DSG3: variants seen among roughly 807,000 people sequenced by gnomAD.
The protein encoded by DSG3 is desmoglein 3.
DSG3 carries 63 observed loss-of-function variants against 85.9 expected under a neutral mutation model. The ratio of observed to expected loss-of-function variants is 0.73; its 90% confidence interval spans 0.60 to 0.90. The LOEUF (loss-of-function observed/expected upper bound fraction) is 0.90, where lower values mean the gene tolerates loss of function less well. Among genes scored for constraint, DSG3 ranks in the 40% least tolerant of loss-of-function variants. The pLI, the probability that DSG3 is intolerant of heterozygous loss-of-function variation, is 0.00. For synonymous variants in DSG3, 447 were observed against 441.9 expected, an observed-to-expected ratio of 1.01 and a Z score of -0.14; for missense variants, 1,220 against 1,219.9, an observed-to-expected ratio of 1.00 and a Z score of 0.00.
At position 31,466,558 on chromosome 18, in the gene DSG3, G is replaced by A. The variant is rs199540300; in HGVS notation, c.1440G>A (p.Thr480=). The A allele has an allele frequency of 1.7e-5, 28 of 1,614,090 alleles. No individual in the cohort carries two copies. Among genetic ancestry groups the A allele is most frequent in the East Asian group, 4.5e-5 (2 of 44,882 alleles). ...ACACGGGTAAAACTTCTACAGGCAC[G>A]GTATATGTTAGAGTACCCGATTTCA... The part of the protein sequence containing the change: ...DEYTGKTSTG[T]VYVRVPDFND... The change falls in exon 11 of 16, where the codon ACG becomes ACA. Residue 480 remains threonine, a synonymous_variant. Transcript: ENST00000257189.
At position 31,472,766 on chromosome 18, in the gene DSG3, A is replaced by T; in HGVS notation, c.2079A>T (p.Gly693=). Residue 693 remains glycine (G), a synonymous_variant, in exon 14 of 16, where the codon GGA becomes GGT. Transcript: ENST00000257189. ...GTGTGCCTCCTGTAACAGCCAATGG[A>T]GCCGATTTCATGGAAAGTTCTGGTA... is the stretch of plus-strand genomic sequence containing the variant. ...NICVPPVTAN[G]ADFMESSEVC... is the part of the protein sequence containing the mutation. The T allele has an allele frequency of 6.2e-7, 1 of 1,614,134 alleles. No individual in the cohort carries two copies. Among genetic ancestry groups the T allele is most frequent in the Non-Finnish European group, 8.5e-7 (1 of 1,179,984 alleles).
Position 31,475,910 on chromosome 18 carries a change from T to G in DSG3, c.2650T>G (p.Cys884Gly), listed in dbSNP as rs375554890. ...SKDSGYGIES[C>G]GHPIEVQQTG... ...AGACAGCGGTTATGGGATTGAATCC[T>G]GTGGCCATCCCATAGAAGTCCAGCA... is the stretch of plus-strand genomic sequence containing the variant. The change falls in exon 16 of 16, where the codon TGT becomes GGT. Residue 884 changes from cysteine (C) to glycine (G), a missense_variant. Coordinates refer to ENST00000257189, the MANE Select transcript of DSG3 (RefSeq NM_001944.3). 3.1e-6 allele frequency: 5 copies of G among 1,614,082 alleles called. No individual in the cohort carries two copies. Among genetic ancestry groups the G allele is most frequent in the Non-Finnish European group, 3.4e-6 (4 of 1,180,040 alleles).
chr18:31,475,825 A>G lies in DSG3; in HGVS notation c.2565A>G (p.Lys855=). The stretch of plus-strand genomic sequence containing the variant: ...ACTCACTTGGACCCAAATTTAAAAA[A>G]CTTGCAGAGATAAGCCTTGGTGTTG... ...FLDSLGPKFK[K]LAEISLGVDG... is the part of the protein sequence containing the mutation. The change falls in exon 16 of 16, where the codon AAA becomes AAG. Residue 855 remains lysine (K), a synonymous_variant. Transcript: ENST00000257189. 1.2e-6 allele frequency: 2 copies of G among 1,614,200 alleles called. No individual in the cohort carries two copies. The highest frequency in any genetic ancestry group is 1.6e-4 in the Middle Eastern group (1 of 6,062).
At chr18:31,472,643 AT>A in intron 13 of DSG3, 81 bp from the exon 14 acceptor site, 1 of 1,445,128 alleles carries the variant, frequency 6.9e-7, no homozygotes, top group Non-Finnish European at 9.6e-7. Context: ...TCATTTACAA[AT>A]TTGCAAAGGG....
intron 1 of DSG3, among the ~76,000 whole-genome samples, chr18:31,450,378 A>T (rs1404051841): frequency 6.6e-6 from 1 of 152,210 alleles, no homozygotes; most frequent in East Asian, 1.9e-4. Context: ...CTGGACATGA[A>T]TTGGAAAGGC....
Position 31,476,166 on chromosome 18 carries a change from T to C in DSG3, c.2906T>C (p.Ile969Thr). ...GTGACAGAAAGGGTGATCTGTCCCA[T>C]TTCCAGTGTTCCTGGCAACCTAGCT... ...VIVTERVICP[I>T]SSVPGNLAGP... Residue 969 changes from isoleucine to threonine, a missense_variant, in exon 16 of 16, where the codon ATT becomes ACT. Transcript: ENST00000257189. The C allele has an allele frequency of 1.2e-6, 2 of 1,614,222 alleles. No homozygotes were observed. The highest frequency in any genetic ancestry group is 1.7e-6 in the Non-Finnish European group (2 of 1,180,046).
At chr18:31,451,604 A>G (rs1293642162) in intron 1 of DSG3, among the ~76,000 whole-genome samples, 2 of 152,196 alleles carry the variant, frequency 1.3e-5, no homozygotes, top group East Asian at 1.9e-4. Flanking sequence ...TCTTCTCCTG[A>G]TTGACCCAGT....
In DSG3 at chr18:31,472,398, T is replaced by C. The variant is rs746984599; in HGVS notation, c.2012T>C (p.Ile671Thr). The C allele has an allele frequency of 6.2e-7, 1 of 1,614,000 alleles. No individual in the cohort carries two copies. The highest frequency in any genetic ancestry group is 1.1e-5 in the South Asian group (1 of 91,008). ...GAAGGAACAATTCATCAGTGGGGAATTGAAGGAGCCCATCCTGAAGACAAG... is the reference window on the plus strand; with the variant it reads ...GAAGGAACAATTCATCAGTGGGGAACTGAAGGAGCCCATCCTGAAGACAAG... ...GSEGTIHQWG[I>T]EGAHPEDKEI... The change falls in exon 13 of 16, where the codon ATT becomes ACT. Residue 671 changes from isoleucine (I) to threonine (T), a missense_variant. By Grantham distance (89) the Ile-to-Thr change is moderately conservative. Transcript: ENST00000257189.
At chr18:31,466,278 G>A (rs1300937150) in intron 10 of DSG3, among the ~76,000 whole-genome samples, 1 of 152,052 alleles carries the variant, frequency 6.6e-6, no homozygotes, top group African/African-American at 2.4e-5. Context: ...TCATCTTACT[G>A]GTCTTGGGTT....
At chr18:31,467,640 A>C (rs1488153502) in intron 11 of DSG3, among the ~76,000 whole-genome samples, 1 of 152,230 alleles carries the variant, frequency 6.6e-6, no homozygotes, top group Non-Finnish European at 1.5e-5. Context: ...GTGTCATAGA[A>C]ATAGACATTA....
In DSG3 at chr18:31,455,209, C is replaced by A. The variant is rs139220344; in HGVS notation, c.49-1231C>A. Among the ~76,000 whole-genome samples the A allele has an allele frequency of 1.8e-3, 267 of 152,066 alleles. 2 individuals carry two copies. Among genetic ancestry groups the A allele is most frequent in the Middle Eastern group, 3.4e-3 (1 of 294 alleles). On this transcript the variant is annotated intron_variant, in intron 1 of 15. Coordinates refer to ENST00000257189, the MANE Select transcript of DSG3 (RefSeq NM_001944.3). Reference sequence around the variant, plus strand: ...CTTCAGGTGCCTGCTGTAAGTATTACATAAAACAGTAAGTATAAAGCTCTA... The same window carrying A: ...CTTCAGGTGCCTGCTGTAAGTATTAAATAAAACAGTAAGTATAAAGCTCTA...
At chr18:31,464,822 C>T (rs2072807451) in intron 9 of DSG3, among the ~76,000 whole-genome samples, 6 of 152,112 alleles carry the variant, frequency 3.9e-5, no homozygotes, top group Non-Finnish European at 8.8e-5. Flanking sequence ...TTTTATTGTG[C>T]ATAGCAGATA....
intron 9 of DSG3, among the ~76,000 whole-genome samples, 169 bp from the exon 10 acceptor site, chr18:31,465,149 A>T (rs927641422): frequency 1.3e-5 from 2 of 152,122 alleles, no homozygotes; most frequent in Non-Finnish European, 2.9e-5. Context: ...AGAATTATGA[A>T]ATATGGTCAT....
intron 1 of DSG3, among the ~76,000 whole-genome samples, chr18:31,451,407 G>C (rs997629303): frequency 6.6e-6 from 1 of 151,840 alleles, no homozygotes; most frequent in Non-Finnish European, 1.5e-5. Flanking sequence ...AGAAGTTGGT[G>C]GTAGGAAAAA....
chr18:31,460,025 CT>C lies in DSG3; in HGVS notation c.684+16del. 6.2e-7 allele frequency: 1 copy of C among 1,600,098 alleles called. No homozygotes were observed. The highest frequency in any genetic ancestry group is 8.5e-7 in the Non-Finnish European group (1 of 1,172,530). ...CTTGACCGAGAGGTACAGCAAAGCA[CT>C]TGGGGGAACATTCAAGATTAAAGGG... On this transcript the variant is annotated intron_variant, in intron 6 of 15. Transcript: ENST00000257189.
chr18:31,457,137 A>T lies in DSG3; in HGVS notation c.216+13A>T, dbSNP rs750580102. 3.1e-6 allele frequency: 5 copies of T among 1,604,540 alleles called. No individual in the cohort carries two copies. Among genetic ancestry groups the T allele is most frequent in the Non-Finnish European group, 4.2e-6 (5 of 1,177,392 alleles). ...CCCAATTGCCAAGGTAAGTTATATCAACAGGAGCGTATGAGTTTTTAGAAT... is the reference window on the plus strand; with the variant it reads ...CCCAATTGCCAAGGTAAGTTATATCTACAGGAGCGTATGAGTTTTTAGAAT... On this transcript the variant is annotated intron_variant, in intron 3 of 15. Transcript: ENST00000257189.
rs1006734024 is a variant in DSG3 at position 31,476,304 on chromosome 18, G to C, written c.*44G>C. The C allele has an allele frequency of 6.4e-7, 1 of 1,551,328 alleles. No individual in the cohort carries two copies. Among genetic ancestry groups the C allele is most frequent in the Non-Finnish European group, 8.7e-7 (1 of 1,150,408 alleles). ...CCACACTGACCAAATCTGGATCTTT[G>C]GACTAAAGTATTCAAAATAGCATAG... On this transcript the variant is annotated 3_prime_UTR_variant, in exon 16 of 16. Coordinates refer to ENST00000257189, the MANE Select transcript of DSG3 (RefSeq NM_001944.3).
chr18:31,453,694 T>C (rs1197378314), intron 1 of DSG3, among the ~76,000 whole-genome samples: 1 of 152,118 alleles, frequency 6.6e-6, no homozygotes, highest in African/African-American at 2.4e-5. Flanking sequence ...AATTAAAATT[T>C]ACAAAATAAC....
At chr18:31,447,969 C>T in intron 1 of DSG3, 44 bp downstream of exon 1, 1 of 1,449,260 alleles carries the variant, frequency 6.9e-7, no homozygotes, top group Non-Finnish European at 9.3e-7. Context: ...TCCCTGCTTC[C>T]TCCCTTGTTA....
Sources: gnomAD v4.1 joint callset for allele counts (sites outside exome capture counted in the v4.1 genomes callset) on GRCh38, gnomAD v4.1.1 for gene constraint, MANE v1.5 for transcripts, NCBI Gene and HGNC (gene_info 2026-07-23, HGNC 2026-07-21) for gene names.